Variants in ADGRV1 observed in about 807,000 individuals in gnomAD.
ADGRV1 encodes the protein G-protein coupled receptor 98.
ADGRV1 carries 359 observed loss-of-function variants against 596.2 expected under a neutral mutation model. The observed-to-expected ratio is 0.60, with a 90% CI of 0.55 to 0.66. The LOEUF is 0.66. Ranked by LOEUF, ADGRV1 falls within the 30% of genes least tolerant of loss-of-function variation. ADGRV1 has a pLI of 0.00. For synonymous variants in ADGRV1, 2,681 were observed against 2,679.2 expected, an observed-to-expected ratio of 1.00 and a Z score of -0.02; for missense variants, 7,274 against 7,575.6, an observed-to-expected ratio of 0.96 and a Z score of 1.48.
In ADGRV1 at chr5:90,863,746, T is replaced by A. The variant is rs766284437; in HGVS notation, c.17756-11T>A. On this transcript the variant is annotated splice_polypyrimidine_tract_variant and intron_variant, in intron 82 of 89. Coordinates refer to ENST00000405460, the MANE Select transcript of ADGRV1 (RefSeq NM_032119.4). ...TTATTAAACCATATGTGGACTTTTT[T>A]GTTCCTACAGGTCTTTGCTTGGCTG... is the stretch of plus-strand genomic sequence containing the variant. The A allele has an allele frequency of 6.3e-7, 1 of 1,593,438 alleles. No individual in the cohort carries two copies. The highest frequency in any genetic ancestry group is 1.1e-5 in the South Asian group (1 of 90,658).
chr5:91,043,048 C>G (rs1458156422), intron 85 of ADGRV1, among the ~76,000 whole-genome samples: 1 of 152,040 alleles, frequency 6.6e-6, no homozygotes, highest in African/African-American at 2.4e-5. Context: ...TTGCTTTATC[C>G]CCAGTTCACT....
At chr5:90,647,415 G>A in intron 16 of ADGRV1, 83 bp from the exon 17 acceptor site, 1 of 1,390,552 alleles carries the variant, frequency 7.2e-7, no homozygotes. Context: ...CTCTCTTGGA[G>A]GGCAGGGAGA....
At position 90,674,089 on chromosome 5, in the gene ADGRV1, T is replaced by C. The variant is rs755711674; in HGVS notation, c.4965T>C (p.Pro1655=). ...TATATGTTCTTGATGATGATATTCCTGAACTTAATGAGTATTTCCGTGTGA... is the reference window on the plus strand; with the variant it reads ...TATATGTTCTTGATGATGATATTCCCGAACTTAATGAGTATTTCCGTGTGA... ...LNIYVLDDDI[P]ELNEYFRVTL... is the part of the protein sequence containing the mutation. The change falls in exon 23 of 90, where the codon CCT becomes CCC. Residue 1655 remains proline, a synonymous_variant. Transcript: ENST00000405460. The C allele has an allele frequency of 8.1e-5, 130 of 1,612,960 alleles. No individual in the cohort carries two copies. Among genetic ancestry groups the C allele is most frequent in the Non-Finnish European group, 9.7e-5 (114 of 1,179,218 alleles).
At chr5:90,584,568 G>A (rs1018439988) in intron 1 of ADGRV1, among the ~76,000 whole-genome samples, 3 of 152,194 alleles carry the variant, frequency 2.0e-5, no homozygotes, top group African/African-American at 7.2e-5. Context: ...ACCTGGGGCT[G>A]GAGTATCCTT....
chr5:90,996,417 A>G (rs1458548202), intron 85 of ADGRV1, among the ~76,000 whole-genome samples: 7 of 152,190 alleles, frequency 4.6e-5, no homozygotes, highest in Non-Finnish European at 7.3e-5. Flanking sequence ...TCCACGTGGT[A>G]TTAAGCCTGT....
intron 78 of ADGRV1, among the ~76,000 whole-genome samples, chr5:90,841,633 A>G (rs528306351): frequency 1.0e-3 from 155 of 152,186 alleles, no homozygotes; most frequent in African/African-American, 3.6e-3. Flanking sequence ...TAAAGTTATT[A>G]CTTAAAAAAA....
chr5:90,848,196 G>C (rs1046232645), intron 78 of ADGRV1, among the ~76,000 whole-genome samples: 1 of 152,076 alleles, frequency 6.6e-6, no homozygotes, highest in African/African-American at 2.4e-5. Context: ...GATTATGGTA[G>C]CTTCTGTTTA....
In ADGRV1 at chr5:90,815,687, G is replaced by A. The variant is rs1762827040; in HGVS notation, c.16147G>A (p.Gly5383Arg). 1 of 1,577,846 alleles carries A rather than the reference G, an allele frequency of 6.3e-7. No individual in the cohort carries two copies. Among genetic ancestry groups the A allele is most frequent in the African/African-American group, 1.3e-5 (1 of 74,290 alleles). ...ESQSGLELREGAVMRRLHLIV... is the reference protein window; with the variant it reads ...ESQSGLELRERAVMRRLHLIV... ...CCAGAGTGGACTAGAACTCAGGGAAGGAGCTGTTATGAGAAGATTGCACCT... is the reference window on the plus strand; with the variant it reads ...CCAGAGTGGACTAGAACTCAGGGAAAGAGCTGTTATGAGAAGATTGCACCT... The change falls in exon 75 of 90, where the codon GGA becomes AGA. Residue 5383 changes from glycine (G) to arginine (R), a missense_variant. Around this residue, in one of 5 missense-constraint regions of ADGRV1, gnomAD observed 1,874 missense variants for 1,970.2 expected, o/e 0.95. Coordinates refer to ENST00000405460, the MANE Select transcript of ADGRV1 (RefSeq NM_032119.4).
chr5:90,697,001 T>C lies in ADGRV1; in HGVS notation c.8010T>C (p.Ser2670=). ...LDDSEPEDDE[S]IIVSLVYTEG... ...ACTCTGAACCAGAGGATGACGAAAGTATCATAGTTAGTTTGGTGTACACTG... is the reference window on the plus strand; with the variant it reads ...ACTCTGAACCAGAGGATGACGAAAGCATCATAGTTAGTTTGGTGTACACTG... Residue 2670 remains serine (S), a synonymous_variant, in exon 34 of 90, where the codon AGT becomes AGC. Coordinates refer to ENST00000405460, the MANE Select transcript of ADGRV1 (RefSeq NM_032119.4). 6.2e-7 allele frequency: 1 copy of C among 1,613,234 alleles called. No homozygotes were observed. Among genetic ancestry groups the C allele is most frequent in the South Asian group, 1.1e-5 (1 of 91,056 alleles).
intron 83 of ADGRV1, among the ~76,000 whole-genome samples, chr5:90,955,022 A>G (rs1015638559): frequency 6.6e-6 from 1 of 151,980 alleles, no homozygotes. Context: ...AGATTTGTGC[A>G]CTTAGAAGAA....
chr5:90,945,694 T>C (rs772364730), intron 83 of ADGRV1, among the ~76,000 whole-genome samples: 1 of 152,102 alleles, frequency 6.6e-6, no homozygotes, highest in Non-Finnish European at 1.5e-5. Context: ...TAAAGAAATA[T>C]AATAGTTTCA....
At chr5:91,130,046 G>GTAT (rs1794081929) in intron 87 of ADGRV1, among the ~76,000 whole-genome samples, 1 of 152,098 alleles carries the variant, frequency 6.6e-6, no homozygotes. Flanking sequence ...GAGTGGGATT[G>GTAT]GTGGTCAGAA....
At chr5:90,661,040 C>T (rs1304627394) in intron 21 of ADGRV1, among the ~76,000 whole-genome samples, 1 of 152,134 alleles carries the variant, frequency 6.6e-6, no homozygotes, top group Non-Finnish European at 1.5e-5. Context: ...CCAAATAGTG[C>T]TTTGGATTCC....
chr5:90,837,739 TAAATC>T (rs1765094924), intron 77 of ADGRV1, among the ~76,000 whole-genome samples: 1 of 152,172 alleles, frequency 6.6e-6, no homozygotes, highest in African/African-American at 2.4e-5. Flanking sequence ...AACTATGAAA[TAAATC>T]CTGCGAAAAA....
intron 85 of ADGRV1, chr5:91,031,382 C>T: frequency 9.0e-7 from 1 of 1,107,806 alleles, no homozygotes; most frequent in Non-Finnish European, 1.4e-6. Flanking sequence ...CATCATTCTG[C>T]ATGCTCTGTG....
intron 83 of ADGRV1, among the ~76,000 whole-genome samples, chr5:90,869,835 C>G (rs1768494653): frequency 6.6e-6 from 1 of 152,122 alleles, no homozygotes; most frequent in Non-Finnish European, 1.5e-5. Context: ...AGTTTAATTA[C>G]TTGCCATAGG....
At chr5:90,953,396 C>A (rs1389884808) in intron 83 of ADGRV1, among the ~76,000 whole-genome samples, 2 of 152,150 alleles carry the variant, frequency 1.3e-5, no homozygotes, top group African/African-American at 2.4e-5. Context: ...TACTTCCCTC[C>A]TCATTTAGTT....
At chr5:91,080,562 C>T (rs181598413) in intron 86 of ADGRV1, among the ~76,000 whole-genome samples, 2 of 125,282 alleles carry the variant, frequency 1.6e-5, no homozygotes, top group Admixed American at 1.1e-4. Context: ...TAGTATTAGA[C>T]TTTACACCCA....
chr5:90,665,007 C>T (rs1437251410), intron 21 of ADGRV1, among the ~76,000 whole-genome samples: 71 of 146,236 alleles, frequency 4.9e-4, no homozygotes, highest in East Asian at 6.5e-4. Context: ...CTGCTGGATT[C>T]GGTTTGCCAG....
Sources: gnomAD v4.1 joint callset for allele counts (sites outside exome capture counted in the v4.1 genomes callset) on GRCh38, gnomAD v4.1.1 for gene constraint, gnomAD v4.1.1 regional missense constraint, MANE v1.5 for transcripts, NCBI Gene and HGNC (gene_info 2026-07-23, HGNC 2026-07-21) for gene names.